The following RIMS2 variants were observed in gnomAD, a reference collection of about 807,000 sequenced individuals.
The protein encoded by RIMS2 is regulating synaptic membrane exocytosis 2, also known as regulating synaptic membrane exocytosis protein 2.
A neutral mutation model predicts 174.4 loss-of-function variants in RIMS2; 59 were observed. The observed-to-expected ratio is 0.34, with a 90% CI of 0.27 to 0.42. The LOEUF (loss-of-function observed/expected upper bound fraction) is 0.42. RIMS2 is among the 10% of genes least tolerant of loss of function. The pLI, the probability that RIMS2 is intolerant of heterozygous loss-of-function variation, is 1.00. For missense variants in RIMS2, 1,620 were observed against 1,666.3 expected, an observed-to-expected ratio of 0.97 and a Z score of 0.48; for synonymous variants, 606 against 572.5, an observed-to-expected ratio of 1.06 and a Z score of -0.84.
At chr8:103,979,419 G>A (rs916248495) in intron 16 of RIMS2, among the ~76,000 whole-genome samples, 1 of 152,096 alleles carries the variant, frequency 6.6e-6, no homozygotes, top group African/African-American at 2.4e-5. Flanking sequence ...CAGTATGGAG[G>A]TACCTCCAAA....
At chr8:104,205,016 G>T (rs1282669887) in intron 19 of RIMS2, among the ~76,000 whole-genome samples, 1 of 152,112 alleles carries the variant, frequency 6.6e-6, no homozygotes, top group African/African-American at 2.4e-5. Context: ...AATGGTTTTG[G>T]AATTTCTGAA....
chr8:103,710,532 A>T (rs1252624643), intron 2 of RIMS2, among the ~76,000 whole-genome samples: 1 of 152,144 alleles, frequency 6.6e-6, no homozygotes, highest in African/African-American at 2.4e-5. Flanking sequence ...ATAAGAAAAC[A>T]ATTATTTTGT....
chr8:104,200,034 CTAAGAGCA>C (rs2099046448), intron 19 of RIMS2, among the ~76,000 whole-genome samples: 1 of 152,074 alleles, frequency 6.6e-6, no homozygotes, highest in South Asian at 2.1e-4. Flanking sequence ...GGTCCAGAGG[CTAAGAGCA>C]TGAGGAATCA....
At chr8:103,935,390 AT>A (rs1193371106) in intron 12 of RIMS2, among the ~76,000 whole-genome samples, 3 of 152,190 alleles carry the variant, frequency 2.0e-5, no homozygotes, top group Non-Finnish European at 2.9e-5. Flanking sequence ...CTGCCATGTT[AT>A]ATATGTGTGC....
chr8:104,180,663 A>T (rs951442922), intron 19 of RIMS2, among the ~76,000 whole-genome samples: 1 of 151,748 alleles, frequency 6.6e-6, no homozygotes, highest in Non-Finnish European at 1.5e-5. Context: ...TCTTTGAAGC[A>T]TAGACTTTAA....
At chr8:103,596,576 T>C (rs1020729200) in intron 1 of RIMS2, among the ~76,000 whole-genome samples, 3 of 152,068 alleles carry the variant, frequency 2.0e-5, no homozygotes, top group Non-Finnish European at 4.4e-5. Context: ...CTATATGTTA[T>C]TGTTAACTAT....
At chr8:103,742,256 A>G (rs1432756798) in intron 2 of RIMS2, among the ~76,000 whole-genome samples, 1 of 152,090 alleles carries the variant, frequency 6.6e-6, no homozygotes, top group Non-Finnish European at 1.5e-5. Flanking sequence ...AAGTAAAACC[A>G]AAACAACCTA....
rs2079045170 is a variant in RIMS2, at chr8:103,927,680, A to G, written c.2197-162A>G. ...TTTTGGCATTGGACAAAATTAATTT[A>G]TTCATCACACTGAAGTACTTAATTT... On this transcript the variant is annotated intron_variant, in intron 10 of 23. Transcript: ENST00000504942. Among the ~76,000 whole-genome samples the G allele has an allele frequency of 2.6e-5, 4 of 151,556 alleles. No individual in the cohort carries two copies. The South Asian group carries it at 8.3e-4, about 31-fold the overall frequency.
At chr8:103,558,492 G>A (rs2090945635) in intron 1 of RIMS2, among the ~76,000 whole-genome samples, 1 of 152,134 alleles carries the variant, frequency 6.6e-6, no homozygotes, top group Admixed American at 6.5e-5. Context: ...CCAAAGTATT[G>A]GGATTATAGG....
chr8:104,002,765 C>G (rs1247553027), intron 17 of RIMS2, among the ~76,000 whole-genome samples: 1 of 152,144 alleles, frequency 6.6e-6, no homozygotes, highest in African/African-American at 2.4e-5. Flanking sequence ...TTTCACTGGT[C>G]TCTCTACCCT....
chr8:104,074,048 C>A (rs1028890330), intron 19 of RIMS2, among the ~76,000 whole-genome samples: 1 of 152,148 alleles, frequency 6.6e-6, no homozygotes, highest in African/African-American at 2.4e-5. Context: ...AGCACTTATG[C>A]GCTTCTCAAC....
intron 19 of RIMS2, among the ~76,000 whole-genome samples, chr8:104,077,716 T>C (rs2097325653): frequency 7.0e-6 from 1 of 143,612 alleles, no homozygotes; most frequent in Non-Finnish European, 1.5e-5. Flanking sequence ...TGAGTAAGTG[T>C]ATGTGTAAAC....
chr8:103,663,298 T>G (rs532605866), intron 1 of RIMS2, among the ~76,000 whole-genome samples: 2 of 152,208 alleles, frequency 1.3e-5, no homozygotes, highest in Admixed American at 6.5e-5. Flanking sequence ...GGAGGTGTGT[T>G]ACAATAGAAA....
At chr8:104,249,852 T>G (rs1472988495) in intron 22 of RIMS2, among the ~76,000 whole-genome samples, 1 of 152,176 alleles carries the variant, frequency 6.6e-6, no homozygotes, top group East Asian at 1.9e-4. Context: ...CCCACTTAGA[T>G]CATTCATTTT....
intron 19 of RIMS2, among the ~76,000 whole-genome samples, chr8:104,090,326 C>T (rs2097626462): frequency 6.6e-6 from 1 of 151,758 alleles, no homozygotes; most frequent in Admixed American, 6.6e-5. Context: ...CCATGCTAAC[C>T]TGTCTTTTAA....
chr8:103,516,586 T>C (rs1829085922), intron 1 of RIMS2, among the ~76,000 whole-genome samples: 1 of 151,994 alleles, frequency 6.6e-6, no homozygotes, highest in South Asian at 2.1e-4. Context: ...ATACAAACAA[T>C]AAAAAGATTG....
At chr8:103,682,078 A>G (rs2096886958) in intron 1 of RIMS2, among the ~76,000 whole-genome samples, 1 of 152,178 alleles carries the variant, frequency 6.6e-6, no homozygotes, top group East Asian at 1.9e-4. Context: ...TATGGGGAAC[A>G]ATGGAAGGGA....
exon 15 of RIMS2, chr8:103,961,126 A>C (rs1367816015): frequency 7.2e-7 from 1 of 1,397,010 alleles, no homozygotes; most frequent in Non-Finnish European, 1.0e-6. Context: ...GAATTGGTGT[A>C]GTATCAGGTA....
chr8:103,505,852 A>G (rs986241483), intron 1 of RIMS2, among the ~76,000 whole-genome samples: 3 of 152,140 alleles, frequency 2.0e-5, no homozygotes, highest in Non-Finnish European at 4.4e-5. Flanking sequence ...TTTTAAAAAA[A>G]TTTGGTTACA....
Sources: allele counts gnomAD v4.1 joint callset (sites outside exome capture counted in the v4.1 genomes callset), GRCh38; gene constraint gnomAD v4.1.1; transcripts MANE v1.5; gene names NCBI Gene and HGNC (gene_info 2026-07-23, HGNC 2026-07-21).